Variants in COX10 observed in about 807,000 individuals in gnomAD.
COX10 encodes cytochrome c oxidase assembly factor heme A:farnesyltransferase COX10.
COX10 carries 27 observed loss-of-function variants against 37.3 expected under a neutral mutation model. The ratio of observed to expected loss-of-function variants is 0.72; its 90% CI spans 0.53 to 1.00. The LOEUF is 1.00. Ranked by LOEUF, COX10 falls within the 50% of genes least tolerant of loss-of-function variation. The pLI is 0.00. For synonymous variants in COX10, 222 were observed against 229.1 expected (o/e 0.97, Z 0.28); for missense variants, 475 against 563.2 (o/e 0.84, Z 1.59).
At chr17:14,149,414 C>T (rs926192427) in intron 4 of COX10, among the ~76,000 whole-genome samples, 2 of 152,112 alleles carry the variant, frequency 1.3e-5, no homozygotes, top group Admixed American at 6.5e-5. Context: ...TACTGAGCAT[C>T]TTCTCACTTT....
chr17:14,094,842 G>C (rs758902836), intron 3 of COX10, among the ~76,000 whole-genome samples: 62 of 152,210 alleles, frequency 4.1e-4, no homozygotes, highest in Non-Finnish European at 6.5e-4. Context: ...ACTGTGCTCA[G>C]TGCATTTGAT....
chr17:14,158,595 A>G (rs1224674978), intron 4 of COX10, among the ~76,000 whole-genome samples: 1 of 152,122 alleles, frequency 6.6e-6, no homozygotes, highest in Non-Finnish European at 1.5e-5. Context: ...CTGCCACTCA[A>G]ATCTAGTCAG....
intron 1 of COX10, among the ~76,000 whole-genome samples, chr17:14,074,037 A>G (rs1438987387): frequency 6.6e-6 from 1 of 152,160 alleles, no homozygotes; most frequent in East Asian, 1.9e-4. Context: ...TTTTCTTAAG[A>G]AGATATGTAG....
intron 5 of COX10, among the ~76,000 whole-genome samples, chr17:14,168,925 A>T (rs75948412): frequency 1.6e-3 from 247 of 152,298 alleles, no homozygotes; most frequent in African/African-American, 5.7e-3. Context: ...TCATTACTTA[A>T]CGCAAATTTT....
intron 4 of COX10, among the ~76,000 whole-genome samples, chr17:14,145,959 G>C (rs1904701999): frequency 6.6e-6 from 1 of 151,954 alleles, no homozygotes; most frequent in South Asian, 2.1e-4. Context: ...CGTTAATGTT[G>C]GTTTTATATT....
intron 6 of COX10, among the ~76,000 whole-genome samples, chr17:14,199,467 T>C (rs890050404): frequency 5.7e-4 from 87 of 152,316 alleles, no homozygotes; most frequent in Admixed American, 3.1e-3. Flanking sequence ...AGGGGAGCAC[T>C]GTTTTCAGAG....
intron 5 of COX10, among the ~76,000 whole-genome samples, chr17:14,183,127 G>T (rs1905916681): frequency 6.7e-6 from 1 of 148,462 alleles, no homozygotes; most frequent in South Asian, 2.2e-4. Context: ...AGTAGCCTTG[G>T]GCAGGAAAGG....
intron 4 of COX10, among the ~76,000 whole-genome samples, chr17:14,154,320 T>C (rs915346778): frequency 6.6e-6 from 1 of 152,210 alleles, no homozygotes; most frequent in Non-Finnish European, 1.5e-5. Context: ...TAAAAAGAGA[T>C]TGGCTCTAAC....
At chr17:14,075,998 A>G (rs947030182) in intron 2 of COX10, among the ~76,000 whole-genome samples, 5 of 151,348 alleles carry the variant, frequency 3.3e-5, no homozygotes, top group African/African-American at 1.2e-4. Context: ...TCTCAAAAAA[A>G]AAAAAAAAAA....
intron 5 of COX10, among the ~76,000 whole-genome samples, chr17:14,175,083 C>CGGGGGGGGGGGGGGG (rs551562401): frequency 6.1e-5 from 1 of 16,330 alleles, no homozygotes. Context: ...TGGGAAATAG[C>CGGGGGGGGGGGGGGG]GGGGGGGGGG....
chr17:14,189,290 T>C (rs2266199), intron 5 of COX10, among the ~76,000 whole-genome samples: 5 of 152,190 alleles, frequency 3.3e-5, no homozygotes, highest in Non-Finnish European at 5.9e-5. Flanking sequence ...TTGTTTCTAC[T>C]GTTAACCATT....
intron 3 of COX10, among the ~76,000 whole-genome samples, chr17:14,083,500 T>C (rs1359735665): frequency 2.0e-5 from 3 of 152,210 alleles, no homozygotes; most frequent in African/African-American, 7.2e-5. Context: ...CTTTCTTTCT[T>C]TCCCTCCTTT....
chr17:14,086,752 T>C (rs1157834112), intron 3 of COX10, among the ~76,000 whole-genome samples: 4 of 152,340 alleles, frequency 2.6e-5, no homozygotes, highest in Non-Finnish European at 5.9e-5. Context: ...GTTATTTGCT[T>C]TCTTCCCTAA....
chr17:14,136,371 G>A (rs1449527692), intron 4 of COX10, among the ~76,000 whole-genome samples: 3 of 151,906 alleles, frequency 2.0e-5, no homozygotes, highest in African/African-American at 4.8e-5. Context: ...TGAGTAACAG[G>A]CATCCTTCTA....
At chr17:14,197,780 A>G (rs1249143942) in intron 6 of COX10, among the ~76,000 whole-genome samples, 1 of 152,240 alleles carries the variant, frequency 6.6e-6, no homozygotes, top group Non-Finnish European at 1.5e-5. Flanking sequence ...GCATGGGCCC[A>G]GCCCAGAGAG....
intron 4 of COX10, among the ~76,000 whole-genome samples, chr17:14,145,336 A>T (rs1365164720): frequency 6.6e-6 from 1 of 152,132 alleles, no homozygotes; most frequent in African/African-American, 2.4e-5. Flanking sequence ...TTGTCCTATA[A>T]GGTGTCTTTT....
At chr17:14,138,242 C>A (rs1426411819) in intron 4 of COX10, among the ~76,000 whole-genome samples, 9 of 152,088 alleles carry the variant, frequency 5.9e-5, no homozygotes, top group Admixed American at 5.9e-4. Flanking sequence ...AATATCAAAT[C>A]ATGGACTTTC....
At chr17:14,123,711 A>T (rs1438073726) in intron 4 of COX10, among the ~76,000 whole-genome samples, 1 of 151,966 alleles carries the variant, frequency 6.6e-6, no homozygotes, top group Non-Finnish European at 1.5e-5. Flanking sequence ...TAATAAATTC[A>T]CTCTCCTGCA....
intron 4 of COX10, among the ~76,000 whole-genome samples, chr17:14,115,451 T>A (rs1916089383): frequency 6.6e-6 from 1 of 152,086 alleles, no homozygotes; most frequent in South Asian, 2.1e-4. Flanking sequence ...TTAGCACATC[T>A]TTGTGGAAAA....
Sources: gnomAD v4.1 joint callset for allele counts (sites outside exome capture counted in the v4.1 genomes callset) on GRCh38, gnomAD v4.1.1 for gene constraint, MANE v1.5 for transcripts, NCBI Gene and HGNC (gene_info 2026-07-23, HGNC 2026-07-21) for gene names.